Variants in RIN2 observed in about 807,000 individuals in gnomAD.
RIN2 encodes the protein Ras and Rab interactor 2.
A neutral mutation model predicts 78.0 loss-of-function variants in RIN2; 36 were observed. That is an observed-to-expected ratio of 0.46 (90% CI 0.35 to 0.61). The LOEUF (loss-of-function observed/expected upper bound fraction) is 0.61. Ranked by LOEUF, RIN2 falls within the 20% of genes least tolerant of loss-of-function variation. The probability of loss-of-function intolerance (pLI) is 0.00; values close to 1 mark genes in which losing one functional copy is unlikely to be tolerated. For missense variants in RIN2, 1,087 were observed against 1,159.7 expected (o/e 0.94, Z 0.91); for synonymous variants, 466 against 466.8 (o/e 1.00, Z 0.02).
At chr20:19,903,271 C>G (rs2039067117) in intron 3 of RIN2, among the ~76,000 whole-genome samples, 1 of 152,138 alleles carries the variant, frequency 6.6e-6, no homozygotes, top group South Asian at 2.1e-4. Context: ...CTTGAGGGAT[C>G]ATCGGTGGAG....
Position 19,831,318 on chromosome 20 carries a change from T to C in RIN2, c.-37+31571T>C, listed in dbSNP as rs886562667. Among the ~76,000 whole-genome samples, 14 of 152,348 alleles carry C rather than the reference T, an allele frequency of 9.2e-5. No homozygotes were observed. In the East Asian group the frequency reaches 2.7e-3, roughly 29 times the overall value. On this transcript the variant is annotated intron_variant, in intron 2 of 12. Coordinates refer to ENST00000255006, the MANE Select transcript of RIN2 (RefSeq NM_018993.4). ...ATTGAATTCTAGTTAGTGATATGTA[T>C]GTTAGAAGTATTTAGTGGGAAGTAC...
intron 2 of RIN2, among the ~76,000 whole-genome samples, chr20:19,824,853 C>T (rs1411298274): frequency 6.6e-6 from 1 of 152,096 alleles, no homozygotes; most frequent in Non-Finnish European, 1.5e-5. Flanking sequence ...CGAAGGCCAC[C>T]CTCTTATATC....
chr20:19,995,269 A>C (rs1043854730), intron 11 of RIN2, among the ~76,000 whole-genome samples: 2 of 151,352 alleles, frequency 1.3e-5, no homozygotes, highest in Admixed American at 6.6e-5. Context: ...TTTAAAAAAA[A>C]AAAAAAAAAC....
intron 7 of RIN2, among the ~76,000 whole-genome samples, chr20:19,966,771 C>CT (rs1295875059): frequency 1.3e-5 from 2 of 152,182 alleles, no homozygotes; most frequent in South Asian, 2.1e-4. Flanking sequence ...GAGAATGGGA[C>CT]TAGTACCTGG....
intron 2 of RIN2, among the ~76,000 whole-genome samples, chr20:19,865,488 CT>C (rs58947389): frequency 2.6e-3 from 355 of 135,796 alleles, no homozygotes; most frequent in Non-Finnish European, 3.6e-3. Context: ...TACTTTCTTT[CT>C]TTTTTTTTTT....
intron 3 of RIN2, among the ~76,000 whole-genome samples, chr20:19,933,158 C>T (rs897879888): frequency 1.3e-5 from 2 of 152,220 alleles, no homozygotes; most frequent in African/African-American, 4.8e-5. Context: ...CCAACCACCT[C>T]AGTGCCAAGG....
At chr20:19,799,529 A>G (rs1027839947) in intron 1 of RIN2, 93 bp from the exon 2 acceptor site, 1 of 152,204 alleles carries the variant, frequency 6.6e-6, no homozygotes, top group Non-Finnish European at 1.5e-5. Flanking sequence ...GTCTCCTCCC[A>G]GAGCCAGACT....
chr20:19,788,563 C>T (rs562567082), intron 1 of RIN2, among the ~76,000 whole-genome samples: 1 of 149,862 alleles, frequency 6.7e-6, no homozygotes, highest in African/African-American at 2.5e-5. Flanking sequence ...GATGGCACCA[C>T]TGCACTCCAG....
At chr20:19,805,807 T>A (rs1253672097) in intron 2 of RIN2, among the ~76,000 whole-genome samples, 1 of 152,048 alleles carries the variant, frequency 6.6e-6, no homozygotes, top group Non-Finnish European at 1.5e-5. Context: ...CCATGGTGGT[T>A]TGCTGCACCC....
intron 3 of RIN2, among the ~76,000 whole-genome samples, chr20:19,898,931 A>C (rs1038248699): frequency 4.6e-5 from 7 of 152,234 alleles, no homozygotes; most frequent in Admixed American, 2.0e-4. Flanking sequence ...ACAAAATGAT[A>C]ATCAAAACAC....
intron 2 of RIN2, among the ~76,000 whole-genome samples, chr20:19,816,572 G>A (rs16981175): frequency 0.12 from 18,586 of 152,166 alleles, 1,380 homozygotes; most frequent in African/African-American, 0.21. Context: ...GCTAGGCCTC[G>A]GGCTTTTTAC....
chr20:19,850,519 G>A (rs941736), intron 2 of RIN2, among the ~76,000 whole-genome samples: 101,997 of 152,110 alleles, frequency 0.67, 34,894 homozygotes, highest in Non-Finnish European at 0.73. Context: ...AGCAGTCACT[G>A]CAATAGGTTG....
chr20:19,813,689 T>G (rs1332326781), intron 2 of RIN2, among the ~76,000 whole-genome samples: 1 of 152,142 alleles, frequency 6.6e-6, no homozygotes, highest in Non-Finnish European at 1.5e-5. Context: ...AAAATTTATG[T>G]CTTCTAAATG....
intron 2 of RIN2, among the ~76,000 whole-genome samples, chr20:19,837,169 A>ACACACACAC (rs1491093860): frequency 7.1e-4 from 99 of 140,208 alleles, no homozygotes; most frequent in Middle Eastern, 3.7e-3. Flanking sequence ...CGCCCCCCCC[A>ACACACACAC]ACACACACAC....
At chr20:19,955,945 C>T (rs2041511696) in intron 4 of RIN2, among the ~76,000 whole-genome samples, 1 of 152,058 alleles carries the variant, frequency 6.6e-6, no homozygotes, top group Non-Finnish European at 1.5e-5. Context: ...ATTTAGGGTT[C>T]TGTCCTCAAA....
At chr20:19,811,009 C>G (rs1198003976) in intron 2 of RIN2, among the ~76,000 whole-genome samples, 3 of 150,454 alleles carry the variant, frequency 2.0e-5, no homozygotes, top group Admixed American at 2.0e-4. Context: ...CCGTGCCCGG[C>G]CAAGGTACTG....
At chr20:19,834,622 G>A (rs1986707905) in intron 2 of RIN2, among the ~76,000 whole-genome samples, 1 of 152,184 alleles carries the variant, frequency 6.6e-6, no homozygotes, top group Non-Finnish European at 1.5e-5. Flanking sequence ...GCTGTATTTA[G>A]TCTTCAGATT....
chr20:19,833,436 G>A (rs572031959), intron 2 of RIN2, among the ~76,000 whole-genome samples: 4 of 151,978 alleles, frequency 2.6e-5, no homozygotes, highest in Non-Finnish European at 5.9e-5. Context: ...AACAGGACCC[G>A]GTATGTGTTG....
Position 19,996,798 on chromosome 20 carries a change from C to T in RIN2, c.2320C>T (p.Arg774Trp), listed in dbSNP as rs772994328. Reference sequence around the variant, plus strand: ...AGACACCCTGAGGCAGTGGCACAAACGGAGAACCACCAACCGGACCATCCC... The same window carrying T: ...AGACACCCTGAGGCAGTGGCACAAATGGAGAACCACCAACCGGACCATCCC... ...TRDTLRQWHK[R>W]RTTNRTIPSV... The change falls in exon 12 of 13, where the codon CGG (arginine) becomes TGG (tryptophan). Residue 774 changes from arginine (R) to tryptophan (W), a missense_variant. Arg to Trp is a moderately radical substitution (Grantham distance 101). This residue lies in a region of RIN2 where 160 missense variants were observed against 179.4 expected (regional missense o/e 0.89). Coordinates refer to ENST00000255006, the MANE Select transcript of RIN2 (RefSeq NM_018993.4). 1.3e-5 allele frequency: 21 copies of T among 1,608,964 alleles called. No homozygotes were observed. Among genetic ancestry groups the T allele is most frequent in the African/African-American group, 4.0e-5 (3 of 74,846 alleles).
Sources: gnomAD v4.1 joint callset for allele counts (sites outside exome capture counted in the v4.1 genomes callset) on GRCh38, gnomAD v4.1.1 for gene constraint, gnomAD v4.1.1 regional missense constraint, MANE v1.5 for transcripts, NCBI Gene and HGNC (gene_info 2026-07-23, HGNC 2026-07-21) for gene names.